The following AGGF1 variants were observed in gnomAD, a reference collection of about 807,000 sequenced individuals.
AGGF1 encodes angiogenic factor with G-patch and FHA domains 1, also known as angiogenic factor with G patch and FHA domains 1.
In AGGF1, 56 loss-of-function variants were observed where a neutral mutation model predicts 86.5. The observed-to-expected ratio is 0.65, with a 90% CI of 0.52 to 0.81. The LOEUF (loss-of-function observed/expected upper bound fraction) is 0.81. Ranked by LOEUF, AGGF1 falls within the 30% of genes least tolerant of loss-of-function variation. The pLI is 0.00. For synonymous variants in AGGF1, 313 were observed against 297.1 expected, an observed-to-expected ratio of 1.05 and a Z score of -0.55; for missense variants, 816 against 850.9, an observed-to-expected ratio of 0.96 and a Z score of 0.51.
chr5:77,049,310 C>T (rs1195337481), intron 8 of AGGF1, among the ~76,000 whole-genome samples: 1 of 152,062 alleles, frequency 6.6e-6, no homozygotes, highest in African/African-American at 2.4e-5. Context: ...AAAAATGAAT[C>T]TTACCTGGCT....
chr5:77,034,186 CATT>C (rs1480463224), intron 1 of AGGF1, among the ~76,000 whole-genome samples: 2 of 152,048 alleles, frequency 1.3e-5, no homozygotes, highest in Admixed American at 6.6e-5. Flanking sequence ...CACAAAGTCT[CATT>C]ATTTAGTTCG....
intron 10 of AGGF1, among the ~76,000 whole-genome samples, chr5:77,055,046 A>G (rs1042734009): frequency 5.9e-5 from 9 of 152,170 alleles, no homozygotes; most frequent in Non-Finnish European, 1.3e-4. Context: ...CTTTTTTGAC[A>G]TAAATTTTCC....
chr5:77,048,007 G>C (rs531933771), intron 6 of AGGF1, among the ~76,000 whole-genome samples, 154 bp from the exon 7 acceptor site: 1 of 152,202 alleles, frequency 6.6e-6, no homozygotes, highest in East Asian at 1.9e-4. Flanking sequence ...ACCCATTGCT[G>C]CGTATTATAC....
rs760347539 is a variant in AGGF1, at chr5:77,030,907, G to A, written c.141G>A (p.Glu47=). The change falls in exon 1 of 14, where the codon GAG becomes GAA. Residue 47 remains glutamate (E), a synonymous_variant. Transcript: ENST00000312916. ...RSCKRQVREI[E]KLLHHTERLY... ...GCAAGCGGCAGGTGCGGGAGATCGAGAAGCTGCTGCATCACACAGAACGGC... is the reference window on the plus strand; with the variant it reads ...GCAAGCGGCAGGTGCGGGAGATCGAAAAGCTGCTGCATCACACAGAACGGC... 1 of 1,613,416 alleles carries A rather than the reference G, an allele frequency of 6.2e-7. No individual in the cohort carries two copies. Among genetic ancestry groups the A allele is most frequent in the South Asian group, 1.1e-5 (1 of 91,088 alleles).
intron 11 of AGGF1, among the ~76,000 whole-genome samples, chr5:77,056,646 A>G (rs1747466999): frequency 6.6e-6 from 1 of 152,128 alleles, no homozygotes; most frequent in Non-Finnish European, 1.5e-5. Flanking sequence ...ATGATCCAAA[A>G]GTGGATCATA....
intron 5 of AGGF1, among the ~76,000 whole-genome samples, chr5:77,041,981 C>T (rs1009423142): frequency 1.3e-5 from 2 of 150,896 alleles, no homozygotes; most frequent in Non-Finnish European, 1.5e-5. Context: ...GTTTGTGTCC[C>T]TGGGTACTTG....
In AGGF1 at chr5:77,046,598, A is replaced by C; in HGVS notation, c.1122A>C (p.Thr374=). 6.2e-7 allele frequency: 1 copy of C among 1,613,904 alleles called. No individual in the cohort carries two copies. Among genetic ancestry groups the C allele is most frequent in the Non-Finnish European group, 8.5e-7 (1 of 1,179,870 alleles). The change falls in exon 6 of 14, where the codon ACA becomes ACC. Residue 374 remains threonine, a synonymous_variant. Coordinates refer to ENST00000312916, the MANE Select transcript of AGGF1 (RefSeq NM_018046.5). ...TDSEPEEGEI[T]DSQTEDSYDE... ...GTGAACCAGAGGAAGGTGAAATTAC[A>C]GACTCTCAGACTGAGGATAGTTATG...
intron 1 of AGGF1, among the ~76,000 whole-genome samples, chr5:77,032,338 C>T (rs1205938465): frequency 6.7e-6 from 1 of 149,734 alleles, no homozygotes; most frequent in Non-Finnish European, 1.5e-5. Context: ...GAGGCCGAGG[C>T]GGGCGAATCA....
intron 5 of AGGF1, among the ~76,000 whole-genome samples, chr5:77,041,204 T>C (rs935250733): frequency 1.3e-5 from 2 of 152,202 alleles, no homozygotes; most frequent in Non-Finnish European, 2.9e-5. Context: ...AAAAATCAGT[T>C]TTCTGTTTGC....
chr5:77,036,849 T>C (rs900343277), intron 4 of AGGF1, 129 bp downstream of exon 4: 41 of 996,640 alleles, frequency 4.1e-5, no homozygotes, highest in South Asian at 5.5e-5. Flanking sequence ...GTGATTCTTA[T>C]GTCTCAGCAT....
chr5:77,043,300 G>A (rs1325781491), intron 5 of AGGF1, among the ~76,000 whole-genome samples: 34 of 18,040 alleles, frequency 1.9e-3, no homozygotes, highest in African/African-American at 2.1e-3. Context: ...GCGGCTGGCC[G>A]GGCGGAGGGC....
intron 11 of AGGF1, among the ~76,000 whole-genome samples, chr5:77,058,895 C>T (rs1747502702): frequency 6.6e-6 from 1 of 152,232 alleles, no homozygotes; most frequent in Admixed American, 6.5e-5. Flanking sequence ...TTCCCTCTGG[C>T]ATTCCATTAC....
intron 6 of AGGF1, among the ~76,000 whole-genome samples, 200 bp from the exon 7 acceptor site, chr5:77,047,961 T>G (rs1164686040): frequency 6.6e-6 from 1 of 152,152 alleles, no homozygotes; most frequent in Non-Finnish European, 1.5e-5. Flanking sequence ...TGCAGCAACC[T>G]TTATGTGGAT....
chr5:77,041,793 A>T (rs369589073), intron 5 of AGGF1, among the ~76,000 whole-genome samples: 64,666 of 121,122 alleles, frequency 0.53, 17,027 homozygotes, highest in Non-Finnish European at 0.58. Flanking sequence ...TTTTTTATTT[A>T]TTTATTTATT....
rs1458647964 is a variant in AGGF1, at chr5:77,056,543, C to T, written c.1716+947C>T. On this transcript the variant is annotated intron_variant, in intron 11 of 13. Transcript: ENST00000312916. ...GTGCCCGGCCAAGAGTGGTCTTTTA[C>T]AACAAATGGTGGTAGAATAATTGGA... is the stretch of plus-strand genomic sequence containing the variant. Among the ~76,000 whole-genome samples, 15 of 148,286 alleles carry T rather than the reference C, an allele frequency of 1.0e-4. No individual in the cohort carries two copies. In the South Asian group the frequency reaches 2.6e-3, roughly 25 times the overall value.
chr5:77,032,534 A>G (rs911390895), intron 1 of AGGF1, among the ~76,000 whole-genome samples: 2 of 142,550 alleles, frequency 1.4e-5, no homozygotes, highest in African/African-American at 2.7e-5. Flanking sequence ...ACTGCACTCC[A>G]GCCTGGGCGA....
chr5:77,035,491 A>C, intron 2 of AGGF1, 50 bp from the exon 3 acceptor site: 1 of 1,406,880 alleles, frequency 7.1e-7, no homozygotes, highest in Middle Eastern at 2.4e-4. Flanking sequence ...AGTCCTTTTT[A>C]TATACATTAT....
At chr5:77,050,419 G>A (rs1281556317) in intron 8 of AGGF1, among the ~76,000 whole-genome samples, 1 of 143,944 alleles carries the variant, frequency 6.9e-6, no homozygotes, top group East Asian at 2.1e-4. Context: ...GGGCTTAAGT[G>A]ATCCTCCTGC....
intron 7 of AGGF1, 122 bp downstream of exon 7, chr5:77,048,394 C>T: frequency 1.2e-6 from 1 of 805,898 alleles, no homozygotes; most frequent in Non-Finnish European, 2.0e-6. Context: ...CTCTGTTGTC[C>T]AGGCTGGAGT....
Sources: allele counts gnomAD v4.1 joint callset (sites outside exome capture counted in the v4.1 genomes callset), GRCh38; gene constraint gnomAD v4.1.1; transcripts MANE v1.5; gene names NCBI Gene and HGNC (gene_info 2026-07-23, HGNC 2026-07-21).